The following TMED3 variants were observed in gnomAD, a reference collection of about 807,000 sequenced individuals.
TMED3 encodes the protein transmembrane emp24 domain-containing protein 3.
Under a neutral mutation model 15.0 loss-of-function variants are expected in TMED3, and 9 were observed. That is an observed-to-expected ratio of 0.60 (90% confidence interval 0.36 to 1.04). TMED3 has a LOEUF of 1.04. TMED3 is among the 50% of genes least tolerant of loss of function. The pLI is 0.01. For synonymous variants in TMED3, 117 were observed against 121.4 expected (o/e 0.96, Z 0.24); for missense variants, 267 against 278.9 (o/e 0.96, Z 0.30).
intron 2 of TMED3, among the ~76,000 whole-genome samples, chr15:79,360,715 C>T (rs950337613): frequency 5.3e-5 from 8 of 152,140 alleles, no homozygotes; most frequent in South Asian, 2.1e-4. Context: ...GTCCACTCTA[C>T]GTGTCGTGAC....
At chr15:79,330,377 A>G (rs1279524269) in intron 2 of TMED3, among the ~76,000 whole-genome samples, 2 of 146,446 alleles carry the variant, frequency 1.4e-5, no homozygotes, top group African/African-American at 5.0e-5. Context: ...AGTAACATTT[A>G]TATATACAAA....
chr15:79,382,179 C>T (rs1893547748), intron 2 of TMED3, among the ~76,000 whole-genome samples: 1 of 152,130 alleles, frequency 6.6e-6, no homozygotes, highest in Admixed American at 6.5e-5. Flanking sequence ...GAATGGCAGG[C>T]CTGTCCTAGG....
chr15:79,358,949 G>A (rs1327440331), intron 2 of TMED3, among the ~76,000 whole-genome samples: 2 of 152,160 alleles, frequency 1.3e-5, no homozygotes, highest in East Asian at 1.9e-4. Flanking sequence ...AAAGGGAGTG[G>A]GGATGGGAAG....
intron 2 of TMED3, among the ~76,000 whole-genome samples, chr15:79,352,647 A>C (rs1218398700): frequency 3.7e-5 from 5 of 136,776 alleles, no homozygotes; most frequent in Non-Finnish European, 6.2e-5. Context: ...AGCGGAAAAC[A>C]CAAGGTCATT....
intron 2 of TMED3, among the ~76,000 whole-genome samples, chr15:79,356,333 T>C (rs541778318): frequency 6.6e-6 from 1 of 152,346 alleles, no homozygotes; most frequent in Non-Finnish European, 1.5e-5. Flanking sequence ...CTGTTTTCTT[T>C]AGTGCTGTAT....
intron 2 of TMED3, among the ~76,000 whole-genome samples, chr15:79,352,623 C>G (rs1023676426): frequency 2.1e-5 from 3 of 145,970 alleles, no homozygotes; most frequent in Admixed American, 7.0e-5. Context: ...TTCTTTGTGA[C>G]TAAGATTTCT....
intron 2 of TMED3, among the ~76,000 whole-genome samples, chr15:79,390,939 C>T (rs577154995): frequency 2.2e-4 from 33 of 152,070 alleles, no homozygotes; most frequent in African/African-American, 7.7e-4. Flanking sequence ...TCTCCCATTT[C>T]ATTTATTATT....
intron 2 of TMED3, among the ~76,000 whole-genome samples, chr15:79,346,529 G>A (rs1337246443): frequency 1.3e-5 from 2 of 152,110 alleles, no homozygotes; most frequent in Non-Finnish European, 2.9e-5. Context: ...ATGATTGTGA[G>A]GCCTCCTGAG....
intron 2 of TMED3, among the ~76,000 whole-genome samples, chr15:79,358,955 G>C (rs922309347): frequency 6.6e-6 from 1 of 152,184 alleles, no homozygotes; most frequent in African/African-American, 2.4e-5. Context: ...AGTGGGGATG[G>C]GAAGGGGCTT....
Position 79,396,862 on chromosome 15 carries a change from A to C in TMED3, c.418-14538A>C, listed in dbSNP as rs117988009. On this transcript the variant is annotated intron_variant, in intron 2 of 2. Transcript: ENST00000424155. ...ACTTTTAAATTTATTACATGTTGAA[A>C]TAATATTTTGGATATGTTCGGTTAA... 3.9e-5 allele frequency among the ~76,000 whole-genome samples: 6 copies of C among 152,370 alleles called. No individual in the cohort carries two copies. The East Asian group carries it at 7.7e-4, about 20-fold the overall frequency.
chr15:79,320,310 A>G (rs891421081), intron 2 of TMED3, among the ~76,000 whole-genome samples: 1 of 152,124 alleles, frequency 6.6e-6, no homozygotes, highest in Admixed American at 6.6e-5. Context: ...ATGATTGTAG[A>G]GCAAGGATTA....
intron 2 of TMED3, among the ~76,000 whole-genome samples, chr15:79,389,547 T>C (rs973151923): frequency 1.3e-5 from 2 of 152,206 alleles, no homozygotes; most frequent in Non-Finnish European, 2.9e-5. Flanking sequence ...CTTTTTCTTT[T>C]TGCTAAGTCT....
At chr15:79,371,208 A>T (rs1256167607) in intron 2 of TMED3, among the ~76,000 whole-genome samples, 1 of 152,240 alleles carries the variant, frequency 6.6e-6, no homozygotes, top group Non-Finnish European at 1.5e-5. Context: ...TGCATATTTT[A>T]AAATTGAGGT....
intron 2 of TMED3, among the ~76,000 whole-genome samples, chr15:79,397,162 C>T (rs1243844965): frequency 6.6e-6 from 1 of 152,180 alleles, no homozygotes; most frequent in East Asian, 1.9e-4. Context: ...CATTCATCTT[C>T]CTATTTCCTT....
In TMED3 at chr15:79,311,172, C is replaced by A; in HGVS notation, c.-78C>A. On this transcript the variant is annotated 5_prime_UTR_variant, in exon 1 of 3. Coordinates refer to ENST00000299705, the MANE Select transcript of TMED3 (RefSeq NM_007364.4). ...CTATCCCCTTACATCCTCCTAGGAC[C>A]CGGTCGGTAGTCGTCGCCCCAGCCC... is the stretch of plus-strand genomic sequence containing the variant. 1 of 1,475,402 alleles carries A rather than the reference C, an allele frequency of 6.8e-7. No individual in the cohort carries two copies. The highest frequency in any genetic ancestry group is 9.0e-7 in the Non-Finnish European group (1 of 1,109,260). The allele number at this position is 1,475,402 out of a possible 1,614,324, so 91.4% of individuals were successfully genotyped here.
chr15:79,349,291 T>G (rs2058882676), intron 2 of TMED3, among the ~76,000 whole-genome samples: 1 of 152,226 alleles, frequency 6.6e-6, no homozygotes, highest in Non-Finnish European at 1.5e-5. Flanking sequence ...CTTATATACT[T>G]CAAAACATCA....
intron 2 of TMED3, among the ~76,000 whole-genome samples, chr15:79,360,949 A>G (rs578018344): frequency 1.5e-4 from 23 of 152,194 alleles, no homozygotes; most frequent in Non-Finnish European, 3.1e-4. Context: ...CTTGGGTTCA[A>G]ATGATCTGCC....
At chr15:79,399,366 T>C (rs767113051) in intron 2 of TMED3, among the ~76,000 whole-genome samples, 28 of 152,210 alleles carry the variant, frequency 1.8e-4, no homozygotes, top group Non-Finnish European at 4.0e-4. Context: ...TTTCCCAAAC[T>C]GCAACTTCTA....
intron 2 of TMED3, among the ~76,000 whole-genome samples, chr15:79,351,932 T>C (rs1438140795): frequency 2.6e-5 from 4 of 152,132 alleles, no homozygotes; most frequent in Non-Finnish European, 5.9e-5. Context: ...GTGGACTGAA[T>C]TGGAGACCAT....
Sources: allele counts gnomAD v4.1 joint callset (sites outside exome capture counted in the v4.1 genomes callset), GRCh38; gene constraint gnomAD v4.1.1; transcripts MANE v1.5; gene names NCBI Gene and HGNC (gene_info 2026-07-23, HGNC 2026-07-21).